The following ENTPD1 variants were observed in gnomAD, a reference collection of about 807,000 sequenced individuals.
ENTPD1 encodes ATP diphosphohydrolase.
A neutral mutation model predicts 57.0 loss-of-function variants in ENTPD1; 33 were observed. The ratio of observed to expected loss-of-function variants is 0.58; its 90% CI spans 0.44 to 0.77. ENTPD1 has a LOEUF of 0.77. Ranked by LOEUF, ENTPD1 falls within the 30% of genes least tolerant of loss-of-function variation. The pLI is 0.00. For synonymous variants in ENTPD1, 202 were observed against 218.8 expected (o/e 0.92, Z 0.68); for missense variants, 501 against 603.4 (o/e 0.83, Z 1.78).
intron 1 of ENTPD1, among the ~76,000 whole-genome samples, chr10:95,766,333 G>A (rs1415760187): frequency 6.6e-6 from 1 of 152,098 alleles, no homozygotes; most frequent in East Asian, 1.9e-4. Flanking sequence ...ACTTTCAATT[G>A]TAGTCCATAA....
intron 1 of ENTPD1, among the ~76,000 whole-genome samples, chr10:95,792,607 T>C (rs2140276408): frequency 6.6e-6 from 1 of 152,320 alleles, no homozygotes; most frequent in South Asian, 2.1e-4. Context: ...GAAACTGGCC[T>C]GTTGGGAAAT....
chr10:95,713,143 C>G (rs1053228592), intron 1 of ENTPD1, among the ~76,000 whole-genome samples: 2 of 151,874 alleles, frequency 1.3e-5, no homozygotes, highest in Non-Finnish European at 2.9e-5. Context: ...CATATGCTCT[C>G]AAGGAACACC....
chr10:95,824,019 T>C (rs931265910), intron 2 of ENTPD1, among the ~76,000 whole-genome samples: 4 of 152,240 alleles, frequency 2.6e-5, no homozygotes, highest in African/African-American at 9.6e-5. Context: ...AACTTTAATG[T>C]ATTTATGTTT....
intron 1 of ENTPD1, among the ~76,000 whole-genome samples, chr10:95,806,344 G>T (rs1041075172): frequency 2.6e-5 from 4 of 152,148 alleles, no homozygotes; most frequent in African/African-American, 9.7e-5. Context: ...AGCTCCATCA[G>T]GTCATTTAAG....
chr10:95,712,109 G>C, intron 1 of ENTPD1: 1 of 1,475,358 alleles, frequency 6.8e-7, no homozygotes, highest in Non-Finnish European at 9.3e-7. Flanking sequence ...TGATTAATGA[G>C]AAAAAAGGAT....
intron 2 of ENTPD1, among the ~76,000 whole-genome samples, chr10:95,831,814 C>G (rs926745721): frequency 6.6e-6 from 1 of 152,228 alleles, no homozygotes; most frequent in African/African-American, 2.4e-5. Context: ...ACTTGCCCAG[C>G]TACCTAAAAG....
intron 7 of ENTPD1, among the ~76,000 whole-genome samples, chr10:95,855,969 T>C (rs1336505551): frequency 1.3e-5 from 2 of 152,204 alleles, no homozygotes; most frequent in African/African-American, 4.8e-5. Flanking sequence ...ATTTCCTTAA[T>C]TTGAATGTTG....
rs1261584457 is a variant in ENTPD1 at position 95,871,475 on chromosome 10, G to A, written c.*5092G>A. The A allele has an allele frequency of 7.1e-6, 7 of 985,138 alleles. No individual in the cohort carries two copies. The highest frequency in any genetic ancestry group is 2.3e-4 in the East Asian group (2 of 8,822). 61.0% of individuals were successfully genotyped at this position (985,138 alleles called of 1,614,324 possible). On this transcript the variant is annotated 3_prime_UTR_variant, in exon 10 of 10. Coordinates refer to ENST00000371205, the MANE Select transcript of ENTPD1 (RefSeq NM_001776.6). ...TCTATGTATTTTTCTTATTTTATACGTTTAGGACAATGTATAGCTAATTAC... is the reference window on the plus strand; with the variant it reads ...TCTATGTATTTTTCTTATTTTATACATTTAGGACAATGTATAGCTAATTAC...
intron 1 of ENTPD1, among the ~76,000 whole-genome samples, chr10:95,778,676 A>AG (rs2098143732): frequency 2.6e-5 from 4 of 151,816 alleles, no homozygotes; most frequent in Admixed American, 2.6e-4. Context: ...TCTTGTTTTT[A>AG]TTTTCTGATA....
At chr10:95,695,254 G>A in the ENTPD1 span, among the ~76,000 whole-genome samples, 1 of 152,082 alleles carries the variant, frequency 6.6e-6, no homozygotes, top group African/African-American at 2.4e-5. Context: ...CCACAGACGT[G>A]AGTAGCTACC....
At chr10:95,746,468 A>G (rs1005316878) in intron 1 of ENTPD1, among the ~76,000 whole-genome samples, 6 of 152,230 alleles carry the variant, frequency 3.9e-5, no homozygotes, top group African/African-American at 1.4e-4. Context: ...GCCTTTAAAA[A>G]AAAACGTGGC....
At chr10:95,761,456 T>A (rs966904018) in intron 1 of ENTPD1, among the ~76,000 whole-genome samples, 3 of 152,112 alleles carry the variant, frequency 2.0e-5, no homozygotes, top group East Asian at 3.8e-4. Context: ...TGTGGCAGGG[T>A]CATCGCATGC....
chr10:95,759,418 C>T (rs1020194290), intron 1 of ENTPD1, among the ~76,000 whole-genome samples: 2 of 152,234 alleles, frequency 1.3e-5, no homozygotes, highest in African/African-American at 4.8e-5. Flanking sequence ...TCAGATGCCT[C>T]ATAGCCAACT....
chr10:95,854,683 G>A (rs1157596226), intron 7 of ENTPD1, among the ~76,000 whole-genome samples: 6 of 151,976 alleles, frequency 3.9e-5, no homozygotes, highest in East Asian at 1.9e-4. Flanking sequence ...CCTTCATTTC[G>A]TTACGTACCC....
chr10:95,827,522 G>C (rs780894632), intron 2 of ENTPD1, among the ~76,000 whole-genome samples: 2 of 152,146 alleles, frequency 1.3e-5, no homozygotes, highest in African/African-American at 4.8e-5. Context: ...GTTTCGCTCT[G>C]TAGCACAGGC....
chr10:95,844,718 C>A, intron 5 of ENTPD1, 83 bp downstream of exon 5: 1 of 1,498,224 alleles, frequency 6.7e-7, no homozygotes, highest in Non-Finnish European at 9.3e-7. Flanking sequence ...GGTCGCTAGC[C>A]AGAATGAATG....
chr10:95,742,633 A>G (rs2139879606), intron 1 of ENTPD1, among the ~76,000 whole-genome samples: 2 of 151,976 alleles, frequency 1.3e-5, no homozygotes, highest in East Asian at 3.9e-4. Context: ...CAATGTAACA[A>G]GGCCATTTCC....
chr10:95,788,442 C>T (rs2098189394), intron 1 of ENTPD1, among the ~76,000 whole-genome samples: 2 of 152,006 alleles, frequency 1.3e-5, no homozygotes, highest in South Asian at 4.2e-4. Flanking sequence ...CATGGTGAAA[C>T]CCCATCTCTA....
intron 9 of ENTPD1, among the ~76,000 whole-genome samples, chr10:95,865,224 G>T (rs186859931): frequency 1.3e-5 from 2 of 152,318 alleles, no homozygotes; most frequent in East Asian, 1.9e-4. Context: ...TCCATAAGCT[G>T]GGAAAGTATG....
Sources: allele counts gnomAD v4.1 joint callset (sites outside exome capture counted in the v4.1 genomes callset), GRCh38; gene constraint gnomAD v4.1.1; transcripts MANE v1.5; gene names NCBI Gene and HGNC (gene_info 2026-07-23, HGNC 2026-07-21).